The following PAG1 variants were observed in gnomAD, a reference collection of about 807,000 sequenced individuals.
PAG1 encodes the protein phosphoprotein associated with glycosphingolipid-enriched microdomains 1.
A neutral mutation model predicts 31.7 loss-of-function variants in PAG1; 23 were observed. The ratio of observed to expected loss-of-function variants is 0.73; its 90% CI spans 0.52 to 1.03. The LOEUF (loss-of-function observed/expected upper bound fraction) is 1.03, where lower values mean the gene tolerates loss of function less well. Among genes scored for constraint, PAG1 ranks in the 50% least tolerant of loss-of-function variants. PAG1 has a pLI of 0.00. For missense variants in PAG1, 473 were observed against 540.7 expected (o/e 0.87, Z 1.24); for synonymous variants, 214 against 210.3 (o/e 1.02, Z -0.15).
Position 80,991,672 on chromosome 8 carries a change from T to C in PAG1, c.126-142A>G, listed in dbSNP as rs1236003731. 4 of 704,434 alleles carry C rather than the reference T, an allele frequency of 5.7e-6. No individual in the cohort carries two copies. The East Asian group carries it at 8.1e-5, about 14-fold the overall frequency. The allele number at this position is 704,434 out of a possible 1,614,324, so 43.6% of individuals were successfully genotyped here. A position where few individuals can be genotyped will look rare whatever the true frequency, so the allele number is the denominator to read the frequency against. On this transcript the variant is annotated intron_variant, in intron 4 of 8. Transcript: ENST00000220597. Reference sequence around the variant, plus strand: ...GTTTATTTTGTCAACAAAGACAAAATCAGACAGTGATTTGATGGCCCGTTT... The same window carrying C: ...GTTTATTTTGTCAACAAAGACAAAACCAGACAGTGATTTGATGGCCCGTTT...
intron 2 of PAG1, among the ~76,000 whole-genome samples, chr8:81,042,245 C>A (rs1166542310): frequency 2.0e-5 from 3 of 152,140 alleles, no homozygotes; most frequent in Non-Finnish European, 2.9e-5. Flanking sequence ...AAGGCTCTTG[C>A]CCATTTCTGG....
chr8:80,968,781 T>C lies in PAG1; in HGVS notation c.*7763A>G, dbSNP rs190078362. ...ATTCCTGAGTTTAAAAAGAAGAAAA[T>C]ATCTAAATAATAAGTTAAATCTTTG... On this transcript the variant is annotated 3_prime_UTR_variant, in exon 9 of 9. Transcript: ENST00000220597. 1 of 152,110 alleles carries C rather than the reference T, an allele frequency of 6.6e-6. No individual in the cohort carries two copies. The highest frequency in any genetic ancestry group is 2.4e-5 in the African/African-American group (1 of 41,418). The allele number at this position is 152,110 out of a possible 1,614,324, so 9.4% of individuals were successfully genotyped here. A position where few individuals can be genotyped will look rare whatever the true frequency, so the allele number is the denominator to read the frequency against.
chr8:81,028,808 G>C (rs2130779901), intron 3 of PAG1, among the ~76,000 whole-genome samples: 1 of 152,246 alleles, frequency 6.6e-6, no homozygotes, highest in East Asian at 1.9e-4. Context: ...TGTCCTCTCT[G>C]TCAGAACAGA....
At chr8:81,081,347 T>C (rs563570660) in intron 1 of PAG1, among the ~76,000 whole-genome samples, 18 of 152,266 alleles carry the variant, frequency 1.2e-4, no homozygotes, top group African/African-American at 3.6e-4. Context: ...TTAAAAGTTA[T>C]TTTTTAAATT....
At position 80,987,352 on chromosome 8, in the gene PAG1, T is replaced by C; in HGVS notation, c.274+18A>G. 6.6e-7 allele frequency: 1 copy of C among 1,515,328 alleles called. No individual in the cohort carries two copies. 93.9% of individuals were successfully genotyped at this position (1,515,328 alleles called of 1,614,324 possible). On this transcript the variant is annotated intron_variant, in intron 6 of 8. Coordinates refer to ENST00000220597, the MANE Select transcript of PAG1 (RefSeq NM_018440.4). ...TGATGAGGCCTGTGTGGAAAGCTGG[T>C]GTTTTTGCAGAACTTACTGTCCCCA...
In PAG1 at chr8:81,035,398, C is replaced by T. The variant is rs569613302; in HGVS notation, c.-174-5309G>A. Among the ~76,000 whole-genome samples the T allele has an allele frequency of 7.2e-5, 11 of 152,208 alleles. No homozygotes were observed. In the South Asian group the frequency reaches 1.0e-3, roughly 14 times the overall value. ...GCCTACATCTGCATGACAATAACAT[C>T]GCTGGAATGTGACATAGTCATCCTA... On this transcript the variant is annotated intron_variant, in intron 2 of 8. Transcript: ENST00000220597.
intron 2 of PAG1, among the ~76,000 whole-genome samples, chr8:81,054,390 G>A (rs1257071863): frequency 2.0e-5 from 3 of 152,096 alleles, no homozygotes; most frequent in Admixed American, 6.6e-5. Flanking sequence ...CGAGGCACAG[G>A]GTTCAAGAGT....
intron 2 of PAG1, among the ~76,000 whole-genome samples, chr8:81,031,961 C>A (rs377294903): frequency 1.8e-3 from 272 of 152,178 alleles, no homozygotes; most frequent in African/African-American, 6.2e-3. Flanking sequence ...GACTATTCAA[C>A]GGGGAAAGAA....
At chr8:81,097,535 T>C (rs1401787842) in intron 1 of PAG1, among the ~76,000 whole-genome samples, 1 of 151,982 alleles carries the variant, frequency 6.6e-6, no homozygotes, top group African/African-American at 2.4e-5. Context: ...GAGAAAGTTA[T>C]TGGCAGAGGC....
At chr8:81,090,761 T>C (rs530959794) in intron 1 of PAG1, among the ~76,000 whole-genome samples, 1 of 152,304 alleles carries the variant, frequency 6.6e-6, no homozygotes, top group African/African-American at 2.4e-5. Context: ...CTCTGAGTTA[T>C]ATAACTAGAA....
intron 7 of PAG1, among the ~76,000 whole-genome samples, chr8:80,981,339 G>A (rs1807295932): frequency 6.6e-6 from 1 of 151,832 alleles, no homozygotes; most frequent in African/African-American, 2.4e-5. Context: ...GTCCTGTACT[G>A]CTTTACTAAG....
Position 80,984,757 on chromosome 8 carries a change from C to G in PAG1, c.876+19G>C. The G allele has an allele frequency of 1.2e-6, 2 of 1,604,190 alleles. No individual in the cohort carries two copies. The highest frequency in any genetic ancestry group is 1.7e-6 in the Non-Finnish European group (2 of 1,174,444). ...AGAACAGGAACCCACAAAGACAAAA[C>G]AAAAACGCCAGTGCCCACCTTGTTA... On this transcript the variant is annotated intron_variant, in intron 7 of 8. Transcript: ENST00000220597.
At position 81,065,310 on chromosome 8, in the gene PAG1, T is replaced by C. The variant is rs76027778; in HGVS notation, c.-175+4802A>G. 3.3e-3 allele frequency among the ~76,000 whole-genome samples: 498 copies of C among 152,336 alleles called. 2 individuals carry two copies. The highest frequency in any genetic ancestry group is 0.012 in the African/African-American group (484 of 41,576). On this transcript the variant is annotated intron_variant, in intron 2 of 8. Coordinates refer to ENST00000220597, the MANE Select transcript of PAG1 (RefSeq NM_018440.4). ...TCACTTCTGCATTCTTTTTTTTCTC[T>C]TTTCACTTCCTTTTCTTCTTCTTCT...
At chr8:81,104,353 C>T (rs73282051) in intron 1 of PAG1, among the ~76,000 whole-genome samples, 10,601 of 150,748 alleles carry the variant, frequency 0.07, 1,238 homozygotes, top group African/African-American at 0.24. Flanking sequence ...TATGCCATCT[C>T]TTTTTCTTCT....
chr8:81,031,496 C>T (rs1447240058), intron 2 of PAG1, among the ~76,000 whole-genome samples: 2 of 152,230 alleles, frequency 1.3e-5, no homozygotes, highest in Non-Finnish European at 2.9e-5. Context: ...TAAACCTCTC[C>T]ACTTTTTCTT....
chr8:81,006,228 C>A (rs913146676), intron 3 of PAG1, among the ~76,000 whole-genome samples: 1 of 152,192 alleles, frequency 6.6e-6, no homozygotes, highest in Admixed American at 6.5e-5. Context: ...CAGGCATGAG[C>A]CACCATGCCT....
Position 81,020,095 on chromosome 8 carries a change from A to G in PAG1, c.-81+9901T>C, listed in dbSNP as rs539764933. On this transcript the variant is annotated intron_variant, in intron 3 of 8. Transcript: ENST00000220597. ...CCCTTTGTTTTGGCCAATTTCTCCCATCTGGAATGGATGTATTTACCCAAT... is the reference window on the plus strand; with the variant it reads ...CCCTTTGTTTTGGCCAATTTCTCCCGTCTGGAATGGATGTATTTACCCAAT... Among the ~76,000 whole-genome samples, 26 of 152,224 alleles carry G rather than the reference A, an allele frequency of 1.7e-4. No individual in the cohort carries two copies. The East Asian group carries it at 5.0e-3, about 29-fold the overall frequency.
At chr8:81,046,458 C>G (rs1586186189) in intron 2 of PAG1, among the ~76,000 whole-genome samples, 1 of 152,178 alleles carries the variant, frequency 6.6e-6, no homozygotes, top group Non-Finnish European at 1.5e-5. Flanking sequence ...TCCCCCTTCT[C>G]TTATCACCAT....
At chr8:80,996,690 G>A (rs1025665490) in intron 3 of PAG1, among the ~76,000 whole-genome samples, 16 of 152,194 alleles carry the variant, frequency 1.1e-4, no homozygotes, top group African/African-American at 3.9e-4. Context: ...TGAGGGTAGA[G>A]GCCTCATGCA....
Sources: allele counts gnomAD v4.1 joint callset (sites outside exome capture counted in the v4.1 genomes callset), GRCh38; gene constraint gnomAD v4.1.1; transcripts MANE v1.5; gene names NCBI Gene and HGNC (gene_info 2026-07-23, HGNC 2026-07-21).